GPATCH1: variants seen among roughly 807,000 people sequenced by gnomAD.
The protein encoded by GPATCH1 is G-patch domain containing 1, also known as G patch domain-containing protein 1.
GPATCH1 carries 73 observed loss-of-function variants against 114.9 expected under a neutral mutation model. The observed-to-expected ratio is 0.64, with a 90% CI of 0.53 to 0.77. The LOEUF is 0.77. Among genes scored for constraint, GPATCH1 ranks in the 30% least tolerant of loss-of-function variants. GPATCH1 has a pLI of 0.00. For synonymous variants in GPATCH1, 391 were observed against 428.4 expected, an observed-to-expected ratio of 0.91 and a Z score of 1.08; for missense variants, 1,058 against 1,144.3, an observed-to-expected ratio of 0.92 and a Z score of 1.09.
chr19:33,083,161 G>A lies in GPATCH1; in HGVS notation c.73+1895G>A, dbSNP rs545506603. Among the ~76,000 whole-genome samples, 978 of 148,674 alleles carry A rather than the reference G, an allele frequency of 6.6e-3. 10 individuals are homozygous for A. The highest frequency in any genetic ancestry group is 0.023 in the African/African-American group (914 of 40,242). Reference sequence around the variant, plus strand: ...CGGGAGGCTGAGGCGGGAGAATGGCGTGAGACTGGGAGGCAGAGCTTGCAG... The same window carrying A: ...CGGGAGGCTGAGGCGGGAGAATGGCATGAGACTGGGAGGCAGAGCTTGCAG... On this transcript the variant is annotated intron_variant, in intron 1 of 19. Coordinates refer to ENST00000170564, the MANE Select transcript of GPATCH1 (RefSeq NM_018025.3).
At position 33,112,486 on chromosome 19, in the gene GPATCH1, A is replaced by G. The variant is rs145630625; in HGVS notation, c.1765A>G (p.Asn589Asp). Residue 589 changes from asparagine to aspartate, a missense_variant and splice_region_variant, in exon 13 of 20, where the codon AAT becomes GAT. Asn to Asp is a conservative substitution (Grantham distance 23). Around this residue, in one of 3 missense-constraint regions of GPATCH1, gnomAD observed 893 missense variants for 977.4 expected, o/e 0.91. Coordinates refer to ENST00000170564, the MANE Select transcript of GPATCH1 (RefSeq NM_018025.3). The part of the protein sequence containing the change: ...DQVEVPRDQE[N>D]DVGDKQSAVK... The stretch of plus-strand genomic sequence containing the variant: ...GAACAGAATGCATGTCTTTTTCCAG[A>G]ATGATGTCGGGGATAAGCAGTCGGC... 1.7e-4 allele frequency: 273 copies of G among 1,613,942 alleles called. No individual in the cohort carries two copies. The Middle Eastern group carries it at 2.6e-3, about 16-fold the overall frequency.
At chr19:33,104,771 T>C (rs759159256) in intron 9 of GPATCH1, among the ~76,000 whole-genome samples, 3 of 152,188 alleles carry the variant, frequency 2.0e-5, no homozygotes, top group Non-Finnish European at 4.4e-5. Flanking sequence ...TACTTCATCA[T>C]GGACTTCAGC....
chr19:33,094,193 G>C lies in GPATCH1; in HGVS notation c.477G>C (p.Leu159Phe). 6.2e-7 allele frequency: 1 copy of C among 1,603,724 alleles called. No individual in the cohort carries two copies. Among genetic ancestry groups the C allele is most frequent in the Non-Finnish European group, 8.5e-7 (1 of 1,170,502 alleles). ...CTAGATTATCTGTTGGTTTCGAATT[G>C]CTAAGAAAAATGGGTTGGAAAGAAG... ...TPAKLSVGFELLRKMGWKEGQ... is the reference protein window; with the variant it reads ...TPAKLSVGFEFLRKMGWKEGQ... Residue 159 changes from leucine to phenylalanine, a missense_variant, in exon 5 of 20, where the codon TTG becomes TTC. Physicochemically the swap from Leu to Phe is conservative, Grantham distance 22 (BLOSUM62 0). This residue lies in a region of GPATCH1 where 893 missense variants were observed against 977.4 expected (regional missense o/e 0.91). Coordinates refer to ENST00000170564, the MANE Select transcript of GPATCH1 (RefSeq NM_018025.3).
rs927816249 is a variant in GPATCH1, at chr19:33,125,310, C to G, written c.2619+108C>G. 6.6e-6 allele frequency: 8 copies of G among 1,208,350 alleles called. No individual in the cohort carries two copies. In the East Asian group the frequency reaches 2.1e-4, roughly 31 times the overall value. The allele number at this position is 1,208,350 out of a possible 1,614,324, so 74.9% of individuals were successfully genotyped here. A position where few individuals can be genotyped will look rare whatever the true frequency, so the allele number is the denominator to read the frequency against. ...AAGAGCGGATCTGGTGGCCAAGTCA[C>G]AGTTCTCTCTGAGACTTAACAGAAA... On this transcript the variant is annotated intron_variant, in intron 18 of 19. Transcript: ENST00000170564.
rs553947796 is a variant in GPATCH1 at position 33,086,259 on chromosome 19, C to T, written c.74-1875C>T. Among the ~76,000 whole-genome samples the T allele has an allele frequency of 3.3e-5, 5 of 152,172 alleles. No homozygotes were observed. In the East Asian group the frequency reaches 9.6e-4, roughly 29 times the overall value. ...TGGTGAACATCTTGGGTTGTGGGAC[C>T]CAAGTTGTAATTTAGTCCTTTAGAG... On this transcript the variant is annotated intron_variant, in intron 1 of 19. Coordinates refer to ENST00000170564, the MANE Select transcript of GPATCH1 (RefSeq NM_018025.3).
chr19:33,105,294 T>C (rs1380096993), intron 9 of GPATCH1, among the ~76,000 whole-genome samples: 1 of 150,322 alleles, frequency 6.7e-6, no homozygotes, highest in Non-Finnish European at 1.5e-5. Flanking sequence ...TAGCCAGGCA[T>C]GGTGATGCGT....
intron 3 of GPATCH1, 26 bp from the exon 4 acceptor site, chr19:33,093,333 G>C: frequency 6.6e-7 from 1 of 1,522,654 alleles, no homozygotes. Context: ...TCCAAATAAT[G>C]TAATTCTGTT....
intron 15 of GPATCH1, among the ~76,000 whole-genome samples, chr19:33,115,589 G>A (rs1390287413): frequency 6.6e-6 from 1 of 151,006 alleles, no homozygotes; most frequent in Non-Finnish European, 1.5e-5. Context: ...CTGCCTCCCG[G>A]GTTCAAGCAA....
At chr19:33,081,719 G>A (rs1972478874) in intron 1 of GPATCH1, among the ~76,000 whole-genome samples, 1 of 152,170 alleles carries the variant, frequency 6.6e-6, no homozygotes, top group Non-Finnish European at 1.5e-5. Flanking sequence ...GACGGGTATG[G>A]TTGCAGCAGA....
chr19:33,128,614 G>C (rs1473165571), intron 19 of GPATCH1, among the ~76,000 whole-genome samples: 1 of 152,176 alleles, frequency 6.6e-6, no homozygotes, highest in East Asian at 1.9e-4. Context: ...AACTGGTCTC[G>C]AACTCCTGGC....
intron 1 of GPATCH1, among the ~76,000 whole-genome samples, chr19:33,082,628 G>C (rs1210954588): frequency 6.6e-6 from 1 of 151,940 alleles, no homozygotes; most frequent in Non-Finnish European, 1.5e-5. Context: ...AGGATTGCTT[G>C]AGGTCAGGAG....
intron 15 of GPATCH1, among the ~76,000 whole-genome samples, chr19:33,117,072 T>G (rs1972924180): frequency 6.6e-6 from 1 of 152,018 alleles, no homozygotes. Flanking sequence ...GGCATGCACC[T>G]GTGGTCCCAG....
At chr19:33,087,156 T>G (rs1301983029) in intron 1 of GPATCH1, among the ~76,000 whole-genome samples, 1 of 151,860 alleles carries the variant, frequency 6.6e-6, no homozygotes, top group African/African-American at 2.4e-5. Context: ...GTAAAGGGAG[T>G]TGGCTTGAAA....
chr19:33,104,695 C>T (rs1347648791), intron 9 of GPATCH1, among the ~76,000 whole-genome samples: 1 of 152,082 alleles, frequency 6.6e-6, no homozygotes, highest in Non-Finnish European at 1.5e-5. Flanking sequence ...CCAGCATGCA[C>T]CTGGACCTGA....
chr19:33,126,186 T>C (rs941147884), intron 18 of GPATCH1, among the ~76,000 whole-genome samples: 4 of 152,238 alleles, frequency 2.6e-5, no homozygotes, highest in Non-Finnish European at 5.9e-5. Context: ...GCCAGTTTCT[T>C]CCTTGTGGTT....
rs772183855 is a variant in GPATCH1, at chr19:33,109,701, T to G, written c.1286-16T>G. The G allele has an allele frequency of 1.3e-6, 2 of 1,507,060 alleles. No homozygotes were observed. The highest frequency in any genetic ancestry group is 2.5e-5 in the South Asian group (2 of 78,998). 93.4% of individuals were successfully genotyped at this position (1,507,060 alleles called of 1,614,324 possible). Reference sequence around the variant, plus strand: ...CATGGCTCTTTTCATCTCTTCTAATTACTGTTTTTATTTAGGTTCAGCTAC... The same window carrying G: ...CATGGCTCTTTTCATCTCTTCTAATGACTGTTTTTATTTAGGTTCAGCTAC... On this transcript the variant is annotated splice_polypyrimidine_tract_variant and intron_variant, in intron 10 of 19. Coordinates refer to ENST00000170564, the MANE Select transcript of GPATCH1 (RefSeq NM_018025.3).
At chr19:33,088,952 C>T (rs1972565209) in intron 2 of GPATCH1, among the ~76,000 whole-genome samples, 1 of 152,164 alleles carries the variant, frequency 6.6e-6, no homozygotes, top group Non-Finnish European at 1.5e-5. Flanking sequence ...CCACTGCGCT[C>T]AGCTTTCTCT....
chr19:33,105,614 C>T (rs190180826), intron 9 of GPATCH1, among the ~76,000 whole-genome samples: 203 of 151,900 alleles, frequency 1.3e-3, no homozygotes, highest in Admixed American at 4.5e-3. Flanking sequence ...ACCTCTGCTT[C>T]CCAGGCTCAA....
rs1247926055 is a variant in GPATCH1 at position 33,081,185 on chromosome 19, A to G, written c.-9A>G. 6 of 1,551,006 alleles carry G rather than the reference A, an allele frequency of 3.9e-6. No individual in the cohort carries two copies. Among genetic ancestry groups the G allele is most frequent in the Admixed American group, 3.9e-5 (2 of 50,998 alleles). ...GCCGTAGCGAGGGGGCGGGGCCCGG[A>G]AGAGCAGGATGGCGGCGCGGGACAG... is the stretch of plus-strand genomic sequence containing the variant. On this transcript the variant is annotated 5_prime_UTR_variant, in exon 1 of 20. Transcript: ENST00000170564.
Sources: allele counts gnomAD v4.1 joint callset (sites outside exome capture counted in the v4.1 genomes callset), GRCh38; gene constraint gnomAD v4.1.1; regional missense constraint gnomAD v4.1.1; transcripts MANE v1.5; gene names NCBI Gene and HGNC (gene_info 2026-07-23, HGNC 2026-07-21).